Variants in SYNJ1 observed in about 807,000 individuals in gnomAD.
The protein encoded by SYNJ1 is polyphosphatidylinositol phosphatase SYNJ1.
A neutral mutation model predicts 168.2 loss-of-function variants in SYNJ1; 78 were observed. That is an observed-to-expected ratio of 0.46 (90% CI 0.39 to 0.56). The LOEUF is 0.56. Ranked by LOEUF, SYNJ1 falls within the 20% of genes least tolerant of loss-of-function variation. SYNJ1 has a pLI of 0.00. For synonymous variants in SYNJ1, 539 were observed against 548.6 expected, an observed-to-expected ratio of 0.98 and a Z score of 0.24; for missense variants, 1,303 against 1,597.6, an observed-to-expected ratio of 0.82 and a Z score of 3.14.
upstream of SYNJ1, chr21:32,728,274 C>A (rs2043570110): frequency 5.8e-6 from 3 of 515,846 alleles, no homozygotes; most frequent in Admixed American, 4.0e-5. Context: ...TTTGCGTGGG[C>A]TCTTCAGAGC....
chr21:32,681,590 C>T lies in SYNJ1; in HGVS notation c.1259G>A (p.Arg420His), dbSNP rs1060499619. ...CATTGACCGAAAAACTTCTTGAAAG[C>T]GAGTCACCAACTGAGGCTTTTCAGC... The part of the protein sequence containing the change: ...GLAEKPQLVT[R>H]FQEVFRSMWS... The change falls in exon 11 of 33, where the codon CGC (arginine) becomes CAC (histidine). Residue 420 changes from arginine (R) to histidine (H), a missense_variant. Around this residue, in one of 2 missense-constraint regions of SYNJ1, gnomAD observed 920 missense variants for 1,208.8 expected, o/e 0.76. Coordinates refer to ENST00000674351, the MANE Select transcript of SYNJ1 (RefSeq NM_203446.3). 1.9e-6 allele frequency: 3 copies of T among 1,613,814 alleles called. No homozygotes were observed. The highest frequency in any genetic ancestry group is 2.5e-6 in the Non-Finnish European group (3 of 1,179,828).
At chr21:32,726,621 A>G (rs1428209146) in intron 2 of SYNJ1, 151 bp downstream of exon 2, 29 of 1,059,904 alleles carry the variant, frequency 2.7e-5, no homozygotes, top group Non-Finnish European at 3.6e-5. Flanking sequence ...TTGCAGGAAA[A>G]TAAGTTTGAT....
rs760248912 is a variant in SYNJ1, at chr21:32,657,902, TC to T, written c.2305-31del. 6 of 1,570,524 alleles carry T rather than the reference TC, an allele frequency of 3.8e-6. No homozygotes were observed. The African/African-American group carries it at 8.2e-5, about 21-fold the overall frequency. ...AATAAACATATACAAAGTAAGTTAT[TC>T]CCAAACAGCAACAAGTTCTGTTTTC... On this transcript the variant is annotated intron_variant, in intron 18 of 32. Coordinates refer to ENST00000674351, the MANE Select transcript of SYNJ1 (RefSeq NM_203446.3).
At chr21:32,634,636 AT>A (rs1224672416) in intron 32 of SYNJ1, among the ~76,000 whole-genome samples, 2 of 152,226 alleles carry the variant, frequency 1.3e-5, no homozygotes, top group African/African-American at 4.8e-5. Context: ...TCATAAAAAA[AT>A]GAAGCAAAAA....
At position 32,664,977 on chromosome 21, in the gene SYNJ1, C is replaced by CT; in HGVS notation, c.2239dup (p.Arg747LysfsTer25). On this transcript the variant is annotated frameshift_variant, in exon 18 of 33. Coordinates refer to ENST00000674351, the MANE Select transcript of SYNJ1 (RefSeq NM_203446.3). LOFTEE classifies it high-confidence loss of function. ...TATAAGAGAATCCCAATTTTGCTGT[C>CT]TTATGAGCTCTTTAACTTCTTCGTT... 1 of 1,613,748 alleles carries CT rather than the reference C, an allele frequency of 6.2e-7. No homozygotes were observed. Among genetic ancestry groups the CT allele is most frequent in the Non-Finnish European group, 8.5e-7 (1 of 1,179,816 alleles).
At chr21:32,641,989 T>C (rs766220606) in intron 28 of SYNJ1, 23 bp from the exon 29 acceptor site, 12 of 1,612,744 alleles carry the variant, frequency 7.4e-6, no homozygotes, top group South Asian at 1.1e-5. Flanking sequence ...CATCATATCA[T>C]ATATTTAAGT....
chr21:32,647,344 T>C (rs1356561132), intron 23 of SYNJ1, among the ~76,000 whole-genome samples: 2 of 152,228 alleles, frequency 1.3e-5, no homozygotes, highest in Non-Finnish European at 1.5e-5. Context: ...AGAGCAAGAC[T>C]GTAAGTCAGG....
chr21:32,720,205 C>A (rs1324948638), intron 2 of SYNJ1, among the ~76,000 whole-genome samples: 2 of 152,208 alleles, frequency 1.3e-5, no homozygotes, highest in Non-Finnish European at 2.9e-5. Context: ...CACCATTGCA[C>A]TCCAGCTTGG....
chr21:32,673,680 A>T, intron 13 of SYNJ1, 149 bp from the exon 14 acceptor site: 1 of 600,666 alleles, frequency 1.7e-6, no homozygotes, highest in Non-Finnish European at 2.5e-6. Flanking sequence ...GCACAAAAAA[A>T]GATCAGCCTT....
At chr21:32,681,968 C>T (rs1240981427) in intron 10 of SYNJ1, among the ~76,000 whole-genome samples, 2 of 151,856 alleles carry the variant, frequency 1.3e-5, no homozygotes, top group African/African-American at 2.4e-5. Flanking sequence ...CAACAGCCTG[C>T]ATTAGAATAA....
intron 31 of SYNJ1, 23 bp from the exon 32 acceptor site, chr21:32,634,907 CAAAGG>C (rs762810275): frequency 1.5e-5 from 24 of 1,613,378 alleles, no homozygotes; most frequent in African/African-American, 2.7e-5. Flanking sequence ...AAACAGACAT[CAAAGG>C]AAAGAGTTAG....
chr21:32,645,682 G>C lies in SYNJ1; in HGVS notation c.3355C>G (p.Arg1119Gly). 3 of 1,511,256 alleles carry C rather than the reference G, an allele frequency of 2.0e-6. No homozygotes were observed. Among genetic ancestry groups the C allele is most frequent in the Middle Eastern group, 2.1e-4 (1 of 4,866 alleles). 93.6% of individuals were successfully genotyped at this position (1,511,256 alleles called of 1,614,324 possible). A position where few individuals can be genotyped will look rare whatever the true frequency, so the allele number is the denominator to read the frequency against. Residue 1119 changes from arginine (R) to glycine (G), a missense_variant, in exon 25 of 33, where the codon CGC becomes GGC. Arg to Gly is a moderately radical substitution (Grantham distance 125). Coordinates refer to ENST00000674351, the MANE Select transcript of SYNJ1 (RefSeq NM_203446.3). ...PPPRPVAPPT[R>G]PAPPQRPPPP... ...GGAGGTCTCTGTGGGGGAGCCGGGC[G>C]TGTGGGAGGGGCGACCGGGCGGGGC...
chr21:32,692,963 C>G (rs2042078791), intron 6 of SYNJ1, among the ~76,000 whole-genome samples: 1 of 151,944 alleles, frequency 6.6e-6, no homozygotes, highest in African/African-American at 2.4e-5. Context: ...CCTGGGAGAT[C>G]GAGGCTGCAG....
chr21:32,719,013 T>G (rs2146360264), intron 2 of SYNJ1, among the ~76,000 whole-genome samples: 1 of 152,034 alleles, frequency 6.6e-6, no homozygotes, highest in Non-Finnish European at 1.5e-5. Flanking sequence ...TAAAAAAAAA[T>G]TAAATGGTAG....
intron 14 of SYNJ1, among the ~76,000 whole-genome samples, chr21:32,671,969 G>C (rs549191844): frequency 1.0e-3 from 148 of 142,688 alleles, no homozygotes; most frequent in Non-Finnish European, 1.2e-3. Context: ...TGAGGCAGGA[G>C]AATCGTTTGA....
rs569699099 is a variant in SYNJ1 at position 32,681,679 on chromosome 21, T to C, written c.1201-31A>G. 64 of 1,572,296 alleles carry C rather than the reference T, an allele frequency of 4.1e-5. No homozygotes were observed. The East Asian group carries it at 1.0e-3, about 26-fold the overall frequency. ...AAAGCAAACAAGAAATTTTTATAAG[T>C]ACATTAATATATTAATTGTAATATG... On this transcript the variant is annotated intron_variant, in intron 10 of 32. Transcript: ENST00000674351.
chr21:32,631,167 G>A lies in SYNJ1; in HGVS notation c.*638C>T, dbSNP rs755473642. 22 of 1,614,088 alleles carry A rather than the reference G, an allele frequency of 1.4e-5. No homozygotes were observed. Among genetic ancestry groups the A allele is most frequent in the Non-Finnish European group, 1.7e-5 (20 of 1,180,050 alleles). ...ACCTTTATTCCAGTCATCATTCAAT[G>A]TCAGGTTGGAGCCAGAAAATGAACT... On this transcript the variant is annotated 3_prime_UTR_variant, in exon 33 of 33. Transcript: ENST00000674351.
intron 6 of SYNJ1, among the ~76,000 whole-genome samples, chr21:32,692,320 T>G (rs1386372941): frequency 2.6e-5 from 4 of 152,206 alleles, no homozygotes; most frequent in Admixed American, 2.6e-4. Flanking sequence ...CTCATGCCTG[T>G]AATCCCAGTC....
chr21:32,658,847 C>CA (rs750344268), intron 18 of SYNJ1, among the ~76,000 whole-genome samples: 1 of 152,238 alleles, frequency 6.6e-6, no homozygotes, highest in Non-Finnish European at 1.5e-5. Context: ...GCGAAGCAGT[C>CA]AGGGAAATAT....
Sources: gnomAD v4.1 joint callset for allele counts (sites outside exome capture counted in the v4.1 genomes callset) on GRCh38, gnomAD v4.1.1 for gene constraint, gnomAD v4.1.1 regional missense constraint, MANE v1.5 for transcripts, NCBI Gene and HGNC (gene_info 2026-07-23, HGNC 2026-07-21) for gene names.